The following IL1RAPL2 variants were observed in gnomAD, a reference collection of about 807,000 sequenced individuals.
IL1RAPL2 encodes the protein X-linked interleukin-1 receptor accessory protein-like 2.
IL1RAPL2 carries 3 observed loss-of-function variants against 44.1 expected under a neutral mutation model. That is an observed-to-expected ratio of 0.07 (90% CI 0.03 to 0.18). IL1RAPL2 has a LOEUF of 0.18. IL1RAPL2 is among the 10% of genes least tolerant of loss of function. IL1RAPL2 has a pLI of 1.00. For missense variants in IL1RAPL2, 391 were observed against 496.4 expected, an observed-to-expected ratio of 0.79 and a Z score of 2.02; for synonymous variants, 181 against 178.8, an observed-to-expected ratio of 1.01 and a Z score of -0.10.
At chrX:105,134,472 C>G (rs1364055473) in intron 2 of IL1RAPL2, among the ~76,000 whole-genome samples, 1 of 111,692 alleles carries the variant, frequency 9.0e-6, no homozygotes, top group African/African-American at 3.3e-5. Flanking sequence ...GTATCTCTCT[C>G]TTTAGTATGT....
At chrX:105,235,968 C>T (rs1299640833) in intron 4 of IL1RAPL2, among the ~76,000 whole-genome samples, 5 of 112,339 alleles carry the variant, frequency 4.5e-5, no homozygotes, top group East Asian at 2.8e-4. Context: ...CTACCCTCTC[C>T]GGCAATGGGC....
chrX:105,351,362 C>A (rs2035152922), intron 5 of IL1RAPL2, among the ~76,000 whole-genome samples: 2 of 111,559 alleles, frequency 1.8e-5, no homozygotes, highest in African/African-American at 3.3e-5. Context: ...TTCACAATAG[C>A]AAAGACTCGG....
At chrX:105,358,037 TAAAAAAAAAAAAAA>T (rs774626399) in intron 5 of IL1RAPL2, among the ~76,000 whole-genome samples, 1 of 40,816 alleles carries the variant, frequency 2.5e-5, no homozygotes, top group Non-Finnish European at 4.9e-5. Context: ...ATCCTATTTC[TAAAAAAAAAAAAAA>T]AAAAAAAAAA....
intron 5 of IL1RAPL2, among the ~76,000 whole-genome samples, chrX:105,396,444 G>A (rs2035563411): frequency 9.6e-6 from 1 of 103,714 alleles, no homozygotes; most frequent in Non-Finnish European, 2.0e-5. Flanking sequence ...GGATTTTGGA[G>A]TCAACAGTAT....
intron 3 of IL1RAPL2, among the ~76,000 whole-genome samples, chrX:105,202,864 T>C (rs782772016): frequency 1.8e-5 from 2 of 112,101 alleles, no homozygotes; most frequent in Non-Finnish European, 3.8e-5. Context: ...AAATATATAA[T>C]AATGTTGACT....
chrX:105,358,037 TAAAAAAAAAA>T (rs774626399), intron 5 of IL1RAPL2, among the ~76,000 whole-genome samples: 3 of 40,817 alleles, frequency 7.3e-5, no homozygotes, highest in African/African-American at 1.5e-4. Context: ...ATCCTATTTC[TAAAAAAAAAA>T]AAAAAAAAAA....
chrX:105,640,661 T>TAC (rs1164144134), intron 6 of IL1RAPL2, among the ~76,000 whole-genome samples: 1 of 62,790 alleles, frequency 1.6e-5, no homozygotes, highest in African/African-American at 1.3e-4. Flanking sequence ...TGTGTATATA[T>TAC]ATATATATAT....
At chrX:105,085,548 G>A (rs889480109) in intron 2 of IL1RAPL2, among the ~76,000 whole-genome samples, 2 of 112,370 alleles carry the variant, frequency 1.8e-5, no homozygotes, top group Non-Finnish European at 3.8e-5. Context: ...GTACAGAAAA[G>A]AGAACTCTTG....
intron 5 of IL1RAPL2, among the ~76,000 whole-genome samples, chrX:105,477,046 C>T (rs2036202159): frequency 8.9e-6 from 1 of 112,071 alleles, no homozygotes; most frequent in African/African-American, 3.2e-5. Flanking sequence ...GTCTTAAGTT[C>T]ACATTAAGGT....
At position 105,249,664 on chromosome X, in the gene IL1RAPL2, G is replaced by A. The variant is rs185914545; in HGVS notation, c.543+15660G>A. On this transcript the variant is annotated intron_variant, in intron 4 of 10. Transcript: ENST00000372582. ...TAAAATACCATTGAGGTACTATTAT[G>A]TAATAGAAAAGCTAAAATCGAAAAC... 7.2e-5 allele frequency among the ~76,000 whole-genome samples: 8 copies of A among 110,927 alleles called. No homozygotes were observed. In the East Asian group the frequency reaches 1.4e-3, roughly 20 times the overall value.
At chrX:104,630,470 T>G (rs1929618171) in intron 1 of IL1RAPL2, among the ~76,000 whole-genome samples, 1 of 109,068 alleles carries the variant, frequency 9.2e-6, no homozygotes, top group East Asian at 2.9e-4. Context: ...GTATTTTTTT[T>G]TTTTTTCAGT....
At chrX:104,606,555 T>C (rs1238472933) in intron 1 of IL1RAPL2, among the ~76,000 whole-genome samples, 1 of 111,962 alleles carries the variant, frequency 8.9e-6, no homozygotes, top group African/African-American at 3.2e-5. Context: ...GACATGATTG[T>C]ATATTTAGAA....
chrX:105,034,708 A>G (rs761544462), intron 2 of IL1RAPL2, among the ~76,000 whole-genome samples: 80 of 112,395 alleles, frequency 7.1e-4, no homozygotes, highest in African/African-American at 2.6e-3. Context: ...TTGAGGAGGC[A>G]GTCTGCCTGT....
intron 6 of IL1RAPL2, among the ~76,000 whole-genome samples, chrX:105,709,124 A>G (rs1223560641): frequency 8.9e-6 from 1 of 112,284 alleles, no homozygotes; most frequent in East Asian, 2.8e-4. Flanking sequence ...AAGCTGAGAT[A>G]TGAAAAACAC....
chrX:104,699,839 C>T (rs1358882556), intron 2 of IL1RAPL2, among the ~76,000 whole-genome samples: 3 of 111,833 alleles, frequency 2.7e-5, no homozygotes, highest in Non-Finnish European at 5.6e-5. Flanking sequence ...GTTTGCCAGC[C>T]CCTACTCTAG....
intron 2 of IL1RAPL2, among the ~76,000 whole-genome samples, chrX:105,145,153 T>C (rs146649627): frequency 0.085 from 9,528 of 111,661 alleles, 1,017 homozygotes; most frequent in African/African-American, 0.29. Flanking sequence ...AATTTCTGCT[T>C]TTCTAACACC....
chrX:104,833,069 A>G (rs761142178), intron 2 of IL1RAPL2, among the ~76,000 whole-genome samples: 17 of 112,240 alleles, frequency 1.5e-4, no homozygotes, highest in African/African-American at 4.5e-4. Flanking sequence ...TGTCATTTCT[A>G]TGAATTGTTC....
intron 6 of IL1RAPL2, among the ~76,000 whole-genome samples, chrX:105,528,439 C>T (rs1477066019): frequency 9.0e-6 from 1 of 111,521 alleles, no homozygotes; most frequent in Non-Finnish European, 1.9e-5. Flanking sequence ...AGCTTCAGTC[C>T]CAGAATATTA....
chrX:104,658,436 C>T (rs986566535), intron 1 of IL1RAPL2, among the ~76,000 whole-genome samples: 4 of 111,300 alleles, frequency 3.6e-5, no homozygotes, highest in African/African-American at 1.3e-4. Flanking sequence ...GGACACAGGG[C>T]AGGGATCATC....
Sources: allele counts gnomAD v4.1 joint callset (sites outside exome capture counted in the v4.1 genomes callset), GRCh38; gene constraint gnomAD v4.1.1; transcripts MANE v1.5; gene names NCBI Gene and HGNC (gene_info 2026-07-23, HGNC 2026-07-21).